LRRC20: variants seen among roughly 807,000 people sequenced by gnomAD.
The protein encoded by LRRC20 is leucine rich repeat containing 20.
LRRC20 carries 11 observed loss-of-function variants against 14.4 expected under a neutral mutation model. The ratio of observed to expected loss-of-function variants is 0.77; its 90% CI spans 0.48 to 1.27. LRRC20 has a LOEUF of 1.27. LRRC20 is among the 50% of genes most tolerant of loss of function. The pLI is 0.00. For synonymous variants in LRRC20, 121 were observed against 107.3 expected, an observed-to-expected ratio of 1.13 and a Z score of -0.79; for missense variants, 219 against 251.2, an observed-to-expected ratio of 0.87 and a Z score of 0.87.
At chr10:70,305,132 C>T (rs555865756) in intron 4 of LRRC20, among the ~76,000 whole-genome samples, 6 of 151,700 alleles carry the variant, frequency 4.0e-5, no homozygotes, top group East Asian at 3.9e-4. Flanking sequence ...TGCAGTGAGC[C>T]GAGATCACAC....
intron 4 of LRRC20, among the ~76,000 whole-genome samples, chr10:70,311,355 G>T (rs1841660552): frequency 6.6e-6 from 1 of 150,656 alleles, no homozygotes. Context: ...CAGCCTCCCT[G>T]GGATTACAGG....
intron 3 of LRRC20, among the ~76,000 whole-genome samples, chr10:70,327,598 A>T (rs1248266547): frequency 6.6e-6 from 1 of 151,828 alleles, no homozygotes; most frequent in African/African-American, 2.4e-5. Context: ...AAAAAAAGTA[A>T]TAATGATAAC....
Position 70,309,313 on chromosome 10 carries a change from C to A in LRRC20, c.401-7805G>T, listed in dbSNP as rs576237823. 3.5e-4 allele frequency among the ~76,000 whole-genome samples: 53 copies of A among 152,362 alleles called. No homozygotes were observed. In the South Asian group the frequency reaches 8.1e-3, roughly 23 times the overall value. On this transcript the variant is annotated intron_variant, in intron 4 of 4. Transcript: ENST00000446961. ...GGGAACTGATGTTTGAGGCCCTATG[C>A]TAGACAGTTCCTCACAATGACCCAT...
chr10:70,330,566 G>A (rs534568533), intron 3 of LRRC20, among the ~76,000 whole-genome samples: 2 of 152,296 alleles, frequency 1.3e-5, no homozygotes, highest in South Asian at 4.1e-4. Flanking sequence ...GTCAATGTAT[G>A]TGCCAAATTC....
intron 1 of LRRC20, among the ~76,000 whole-genome samples, chr10:70,380,927 AG>A (rs1435297014): frequency 6.6e-6 from 1 of 152,208 alleles, no homozygotes; most frequent in African/African-American, 2.4e-5. Context: ...GGCCAGGCCT[AG>A]GGGGGCATGA....
intron 4 of LRRC20, among the ~76,000 whole-genome samples, chr10:70,322,273 G>A (rs1281269986): frequency 3.3e-5 from 5 of 152,234 alleles, no homozygotes; most frequent in Non-Finnish European, 7.3e-5. Context: ...GCTGGCGCTG[G>A]TGAGACCCAC....
At chr10:70,343,898 A>G (rs1213925596) in intron 2 of LRRC20, among the ~76,000 whole-genome samples, 2 of 152,196 alleles carry the variant, frequency 1.3e-5, no homozygotes, top group African/African-American at 4.8e-5. Context: ...CCTAAATAGC[A>G]TCATGAAAGT....
chr10:70,356,437 G>A (rs1238657011), intron 2 of LRRC20, among the ~76,000 whole-genome samples: 1 of 152,158 alleles, frequency 6.6e-6, no homozygotes, highest in Non-Finnish European at 1.5e-5. Context: ...GATCGCTTGA[G>A]CTTGGGAGGC....
At chr10:70,349,376 G>A (rs1164199438) in intron 2 of LRRC20, among the ~76,000 whole-genome samples, 3 of 152,096 alleles carry the variant, frequency 2.0e-5, no homozygotes, top group Non-Finnish European at 4.4e-5. Context: ...TCAGGAGTTC[G>A]AGACCAGCCT....
chr10:70,323,850 C>G lies in LRRC20; in HGVS notation c.400+13G>C, dbSNP rs1352578141. On this transcript the variant is annotated intron_variant, in intron 4 of 4. Coordinates refer to ENST00000446961, the MANE Select transcript of LRRC20 (RefSeq NM_001278212.2). ...TGCAGCAGCCCAGGGCCAGGTGGGC[C>G]AGGCCCACTCACCTACGATCTCGTT... 1.2e-6 allele frequency: 2 copies of G among 1,613,768 alleles called. No individual in the cohort carries two copies. The highest frequency in any genetic ancestry group is 1.7e-6 in the Non-Finnish European group (2 of 1,179,898).
At chr10:70,325,797 T>C (rs1237460201) in intron 3 of LRRC20, among the ~76,000 whole-genome samples, 1 of 152,230 alleles carries the variant, frequency 6.6e-6, no homozygotes, top group Non-Finnish European at 1.5e-5. Context: ...CCTCTGAGTC[T>C]GTCCTTCCTC....
At chr10:70,303,160 A>G (rs1416976180) in intron 4 of LRRC20, among the ~76,000 whole-genome samples, 1 of 152,206 alleles carries the variant, frequency 6.6e-6, no homozygotes, top group Non-Finnish European at 1.5e-5. Context: ...TAAAACTATT[A>G]AAAAACAAAG....
At chr10:70,353,935 T>C (rs989274837) in intron 2 of LRRC20, among the ~76,000 whole-genome samples, 2 of 152,158 alleles carry the variant, frequency 1.3e-5, no homozygotes, top group African/African-American at 2.4e-5. Flanking sequence ...TGGAACTATA[T>C]AAAAGGGGAC....
intron 3 of LRRC20, among the ~76,000 whole-genome samples, chr10:70,328,742 AC>A (rs780921013): frequency 6.2e-4 from 94 of 152,026 alleles, no homozygotes; most frequent in Admixed American, 5.2e-4. Flanking sequence ...ACATGGTGAA[AC>A]TCTGTCTCTA....
chr10:70,352,227 C>CA (rs1275418293), intron 2 of LRRC20, among the ~76,000 whole-genome samples: 2 of 150,228 alleles, frequency 1.3e-5, no homozygotes, highest in East Asian at 3.9e-4. Flanking sequence ...TACGTTTAAG[C>CA]TTTTTTTTTT....
intron 4 of LRRC20, among the ~76,000 whole-genome samples, chr10:70,317,515 G>A (rs764819110): frequency 6.6e-6 from 1 of 152,100 alleles, no homozygotes; most frequent in Non-Finnish European, 1.5e-5. Context: ...GGGACTACAG[G>A]TATGCACCAC....
intron 1 of LRRC20, among the ~76,000 whole-genome samples, chr10:70,378,490 A>C (rs1315509664): frequency 1.6e-5 from 1 of 61,208 alleles, no homozygotes; most frequent in African/African-American, 1.1e-4. Context: ...TAAAAATACA[A>C]AAAAAAAAAA....
In LRRC20 at chr10:70,301,426, G is replaced by A. The variant is rs199964528; in HGVS notation, c.483C>T (p.Arg161=). The A allele has an allele frequency of 2.0e-5, 33 of 1,613,746 alleles. No homozygotes were observed. Among genetic ancestry groups the A allele is most frequent in the African/African-American group, 4.0e-5 (3 of 75,074 alleles). The change falls in exon 5 of 5, where the codon CGC becomes CGT. Residue 161 remains arginine (R), a synonymous_variant. Coordinates refer to ENST00000446961, the MANE Select transcript of LRRC20 (RefSeq NM_001278212.2). ...ACTTGATGAGCGGCGGGGCGATCAC[G>A]CGCACCTCGGCGTTGAGTGGGTTGA... The part of the protein sequence containing the change: ...LRFNPLNAEV[R]VIAPPLIKFD...
At chr10:70,326,692 A>C (rs1035661030) in intron 3 of LRRC20, among the ~76,000 whole-genome samples, 1 of 152,084 alleles carries the variant, frequency 6.6e-6, no homozygotes, top group Non-Finnish European at 1.5e-5. Flanking sequence ...AGCCTCTGTC[A>C]CCCAGGCTGG....
Sources: gnomAD v4.1 joint callset for allele counts (sites outside exome capture counted in the v4.1 genomes callset) on GRCh38, gnomAD v4.1.1 for gene constraint, MANE v1.5 for transcripts, NCBI Gene and HGNC (gene_info 2026-07-23, HGNC 2026-07-21) for gene names.